NAALADL2: variants seen among roughly 807,000 people sequenced by gnomAD.
NAALADL2 encodes N-acetylated alpha-linked acidic dipeptidase like 2.
NAALADL2 carries 76 observed loss-of-function variants against 87.2 expected under a neutral mutation model. The ratio of observed to expected loss-of-function variants is 0.87; its 90% CI spans 0.72 to 1.05. The LOEUF (loss-of-function observed/expected upper bound fraction) is 1.05. NAALADL2 is among the 50% of genes least tolerant of loss of function. The pLI is 0.00. For synonymous variants in NAALADL2, 354 were observed against 331.0 expected, an observed-to-expected ratio of 1.07 and a Z score of -0.75; for missense variants, 1,089 against 945.8, an observed-to-expected ratio of 1.15 and a Z score of -1.99.
At chr3:174,639,889 A>C (rs1390456308) in intron 2 of NAALADL2, among the ~76,000 whole-genome samples, 3 of 152,196 alleles carry the variant, frequency 2.0e-5, no homozygotes, top group Non-Finnish European at 4.4e-5. Context: ...TATATTAAAT[A>C]CTTAATCGAG....
intron 3 of NAALADL2, among the ~76,000 whole-genome samples, chr3:174,771,425 T>C (rs988373049): frequency 6.6e-6 from 1 of 152,088 alleles, no homozygotes; most frequent in Non-Finnish European, 1.5e-5. Context: ...ACTAGGGACA[T>C]GGTTGTTACT....
intron 11 of NAALADL2, among the ~76,000 whole-genome samples, chr3:175,657,681 C>A (rs752889741): frequency 1.1e-4 from 17 of 151,434 alleles, no homozygotes; most frequent in African/African-American, 2.4e-5. Context: ...CCCAGGTTCA[C>A]GCCGTTCTCC....
intron 3 of NAALADL2, among the ~76,000 whole-genome samples, chr3:174,852,030 C>G (rs78567978): frequency 0.017 from 2,541 of 152,104 alleles, 69 homozygotes; most frequent in African/African-American, 0.059. Context: ...TTCAACATAC[C>G]TTCATGAGAA....
chr3:174,532,076 A>T (rs749185078), intron 1 of NAALADL2, among the ~76,000 whole-genome samples: 1 of 152,208 alleles, frequency 6.6e-6, no homozygotes, highest in Non-Finnish European at 1.5e-5. Flanking sequence ...TTTAGTATAA[A>T]TATAAACAGA....
At chr3:175,788,549 C>A (rs1291798639) in intron 13 of NAALADL2, among the ~76,000 whole-genome samples, 1 of 152,096 alleles carries the variant, frequency 6.6e-6, no homozygotes, top group Non-Finnish European at 1.5e-5. Flanking sequence ...ATAACCTATA[C>A]CATGAAGCCT....
At chr3:174,875,828 A>G (rs1242506051) in intron 1 of NAALADL2, among the ~76,000 whole-genome samples, 1 of 152,094 alleles carries the variant, frequency 6.6e-6, no homozygotes, top group Non-Finnish European at 1.5e-5. Flanking sequence ...TTATTTGCCT[A>G]TTTTTCATTT....
At chr3:175,574,357 C>G (rs1718543662) in intron 9 of NAALADL2, among the ~76,000 whole-genome samples, 3 of 152,150 alleles carry the variant, frequency 2.0e-5, no homozygotes, top group South Asian at 4.2e-4. Context: ...AGTTCTCAAT[C>G]AGGCCTGTTT....
intron 4 of NAALADL2, among the ~76,000 whole-genome samples, chr3:175,269,607 T>G (rs1050075281): frequency 6.6e-6 from 1 of 152,196 alleles, no homozygotes; most frequent in Non-Finnish European, 1.5e-5. Context: ...ATACACACTC[T>G]CAGGTAAACA....
intron 11 of NAALADL2, among the ~76,000 whole-genome samples, chr3:175,678,732 G>C (rs958425387): frequency 2.0e-5 from 3 of 152,140 alleles, no homozygotes; most frequent in Non-Finnish European, 4.4e-5. Flanking sequence ...CGTGGGGTGG[G>C]GGGAGAGGTG....
chr3:175,419,951 A>C (rs1715372624), intron 5 of NAALADL2, among the ~76,000 whole-genome samples: 1 of 152,030 alleles, frequency 6.6e-6, no homozygotes, highest in South Asian at 2.1e-4. Context: ...CTACAAAGGC[A>C]AGGTTTATCT....
At chr3:174,963,660 T>C (rs1039016437) in intron 1 of NAALADL2, among the ~76,000 whole-genome samples, 6 of 152,150 alleles carry the variant, frequency 3.9e-5, no homozygotes, top group Non-Finnish European at 7.4e-5. Context: ...TGGTGAGAAT[T>C]AAGTATTATT....
At chr3:174,597,728 T>G (rs990907014) in intron 2 of NAALADL2, among the ~76,000 whole-genome samples, 4 of 152,196 alleles carry the variant, frequency 2.6e-5, no homozygotes, top group African/African-American at 9.7e-5. Flanking sequence ...TTGGGAGAAG[T>G]CTTTGGGAGC....
intron 9 of NAALADL2, among the ~76,000 whole-genome samples, chr3:175,484,277 A>C (rs566548030): frequency 2.6e-4 from 40 of 152,154 alleles, no homozygotes; most frequent in Non-Finnish European, 4.4e-4. Context: ...CAGCATTATA[A>C]TCAGTATTTT....
chr3:174,776,438 C>A (rs1715219705), intron 3 of NAALADL2, among the ~76,000 whole-genome samples: 1 of 152,092 alleles, frequency 6.6e-6, no homozygotes, highest in African/African-American at 2.4e-5. Flanking sequence ...CTCCACAGTT[C>A]CAGAGACACT....
At chr3:175,453,524 C>T (rs541767852) in intron 6 of NAALADL2, among the ~76,000 whole-genome samples, 1 of 152,264 alleles carries the variant, frequency 6.6e-6, no homozygotes, top group African/African-American at 2.4e-5. Flanking sequence ...TCAAGTTGGA[C>T]GTAGCCTCTC....
intron 4 of NAALADL2, among the ~76,000 whole-genome samples, chr3:175,322,103 G>A (rs1421241092): frequency 4.6e-5 from 7 of 150,620 alleles, no homozygotes; most frequent in Non-Finnish European, 5.9e-5. Context: ...CAAGGCTACA[G>A]TAACCAAAAC....
At chr3:175,413,567 C>A (rs1412661228) in intron 5 of NAALADL2, among the ~76,000 whole-genome samples, 21 of 132,584 alleles carry the variant, frequency 1.6e-4, no homozygotes, top group South Asian at 2.5e-4. Context: ...GAGACTCCAT[C>A]AAAAAAAAAA....
chr3:175,053,972 T>A (rs773534110), intron 1 of NAALADL2, among the ~76,000 whole-genome samples: 1 of 152,262 alleles, frequency 6.6e-6, no homozygotes, highest in South Asian at 2.1e-4. Context: ...AAGTGAGTGA[T>A]GTAAAAAGGG....
chr3:175,403,231 C>T (rs987125589), intron 5 of NAALADL2, among the ~76,000 whole-genome samples: 1 of 151,980 alleles, frequency 6.6e-6, no homozygotes, highest in African/African-American at 2.4e-5. Flanking sequence ...CCCCAGCTCT[C>T]CCTCCTGTCT....
Sources: allele counts gnomAD v4.1 joint callset (sites outside exome capture counted in the v4.1 genomes callset), GRCh38; gene constraint gnomAD v4.1.1; transcripts MANE v1.5; gene names NCBI Gene and HGNC (gene_info 2026-07-23, HGNC 2026-07-21).